The following SOX6 variants were observed in gnomAD, a reference collection of about 807,000 sequenced individuals.
SOX6 encodes SRY-box transcription factor 6, also known as transcription factor SOX-6.
Under a neutral mutation model 97.8 loss-of-function variants are expected in SOX6, and 11 were observed. The ratio of observed to expected loss-of-function variants is 0.11; its 90% CI spans 0.07 to 0.19. SOX6 has a LOEUF of 0.19. Ranked by LOEUF, SOX6 falls within the 10% of genes least tolerant of loss-of-function variation. The pLI, the probability that SOX6 is intolerant of heterozygous loss-of-function variation, is 1.00. For missense variants in SOX6, 810 were observed against 1,039.5 expected (o/e 0.78, Z 3.04); for synonymous variants, 360 against 371.4 (o/e 0.97, Z 0.35).
At chr11:16,575,308 T>C (rs941004863) in intron 4 of SOX6, among the ~76,000 whole-genome samples, 12 of 152,124 alleles carry the variant, frequency 7.9e-5, no homozygotes, top group Admixed American at 5.9e-4. Flanking sequence ...ACACTATAAA[T>C]AAACACTTTT....
At chr11:16,070,847 C>A (rs1848207140) in intron 9 of SOX6, among the ~76,000 whole-genome samples, 1 of 152,192 alleles carries the variant, frequency 6.6e-6, no homozygotes, top group Non-Finnish European at 1.5e-5. Context: ...CCCCCTATAT[C>A]CCTCCCATCA....
chr11:15,974,917 C>A (rs979386804), intron 15 of SOX6, among the ~76,000 whole-genome samples: 9 of 152,112 alleles, frequency 5.9e-5, no homozygotes, highest in South Asian at 2.1e-4. Context: ...GAAAATCAGA[C>A]CTTGCTTCAA....
chr11:16,307,371 T>C (rs1855473679), intron 3 of SOX6, among the ~76,000 whole-genome samples: 1 of 152,180 alleles, frequency 6.6e-6, no homozygotes, highest in South Asian at 2.1e-4. Flanking sequence ...TTAATCAGGG[T>C]CAAGGCTTAA....
At chr11:16,301,068 C>A (rs1225221317) in intron 3 of SOX6, among the ~76,000 whole-genome samples, 2 of 152,150 alleles carry the variant, frequency 1.3e-5, no homozygotes, top group African/African-American at 2.4e-5. Flanking sequence ...AGTCACTAAG[C>A]CACTAAGGCA....
intron 9 of SOX6, among the ~76,000 whole-genome samples, chr11:16,084,437 G>T (rs35789102): frequency 4.6e-5 from 7 of 151,890 alleles, no homozygotes; most frequent in Non-Finnish European, 8.8e-5. Context: ...GATACAAGCA[G>T]AAGAGTATGG....
chr11:16,137,166 T>C (rs570049814), intron 6 of SOX6, among the ~76,000 whole-genome samples: 26 of 152,322 alleles, frequency 1.7e-4, no homozygotes, highest in African/African-American at 6.0e-4. Flanking sequence ...CCGGGAGCAG[T>C]GGCTCATGCC....
chr11:16,389,814 G>C (rs1202590322), intron 1 of SOX6, among the ~76,000 whole-genome samples: 1 of 150,862 alleles, frequency 6.6e-6, no homozygotes, highest in East Asian at 2.0e-4. Flanking sequence ...TAAAAATACA[G>C]AAAAAATTAG....
intron 3 of SOX6, among the ~76,000 whole-genome samples, chr11:16,272,136 C>A (rs1345402527): frequency 6.6e-6 from 1 of 151,230 alleles, no homozygotes; most frequent in African/African-American, 2.4e-5. Context: ...TCTTAATTTC[C>A]AGGTATAAAG....
intron 1 of SOX6, among the ~76,000 whole-genome samples, chr11:16,423,407 G>C (rs970539870): frequency 2.0e-5 from 3 of 152,276 alleles, no homozygotes; most frequent in Admixed American, 2.0e-4. Context: ...AAATGCAAAT[G>C]ATGAGAAAAT....
At chr11:16,249,214 C>A (rs1302146375) in intron 3 of SOX6, among the ~76,000 whole-genome samples, 1 of 152,094 alleles carries the variant, frequency 6.6e-6, no homozygotes, top group Admixed American at 6.6e-5. Context: ...CATCGTTAGG[C>A]TGCAAATTTT....
At chr11:16,363,508 C>T (rs886736552) in intron 1 of SOX6, among the ~76,000 whole-genome samples, 12 of 152,128 alleles carry the variant, frequency 7.9e-5, no homozygotes, top group African/African-American at 2.9e-4. Flanking sequence ...TTATGAGATA[C>T]TCAACCTGTA....
intron 3 of SOX6, among the ~76,000 whole-genome samples, chr11:16,270,660 C>A (rs1484308507): frequency 6.6e-6 from 1 of 151,228 alleles, no homozygotes; most frequent in Non-Finnish European, 1.5e-5. Flanking sequence ...CACAAACACA[C>A]ACACACACAG....
chr11:16,349,442 C>CG (rs951226129), intron 1 of SOX6, among the ~76,000 whole-genome samples: 6 of 90 alleles, frequency 0.067, no homozygotes, highest in African/African-American at 0.14. Context: ...CAAGGTGAAA[C>CG]CTGTCTCTAC....
chr11:16,378,947 A>G (rs1857726573), intron 1 of SOX6, among the ~76,000 whole-genome samples: 1 of 152,094 alleles, frequency 6.6e-6, no homozygotes, highest in Non-Finnish European at 1.5e-5. Flanking sequence ...TATTTTTTAT[A>G]TATATTCATG....
intron 3 of SOX6, among the ~76,000 whole-genome samples, chr11:16,296,911 C>T (rs1855111456): frequency 1.3e-5 from 2 of 151,878 alleles, no homozygotes; most frequent in Non-Finnish European, 2.9e-5. Flanking sequence ...AAAGAAAAGG[C>T]AGAGTAAAAA....
At chr11:16,232,280 A>AT (rs1394420388) in intron 4 of SOX6, among the ~76,000 whole-genome samples, 2 of 151,872 alleles carry the variant, frequency 1.3e-5, no homozygotes, top group Admixed American at 1.3e-4. Flanking sequence ...ATTTTAACTG[A>AT]TTTTTTCATT....
chr11:16,523,145 C>A (rs1861098769), intron 4 of SOX6, among the ~76,000 whole-genome samples: 1 of 151,628 alleles, frequency 6.6e-6, no homozygotes, highest in Admixed American at 6.6e-5. Context: ...TAGACATCTA[C>A]AGGACTCTCC....
At chr11:16,635,906 G>C in intron 3 of SOX6, among the ~76,000 whole-genome samples, 1 of 152,222 alleles carries the variant, frequency 6.6e-6, no homozygotes, top group Non-Finnish European at 1.5e-5. Flanking sequence ...TGAGGTTTGG[G>C]AACCTCTGTC....
rs971542199 is a variant in SOX6 at position 15,969,390 on chromosome 11, T to G, written c.*3419A>C. 5 of 152,190 alleles carry G rather than the reference T, an allele frequency of 3.3e-5. No individual in the cohort carries two copies. The highest frequency in any genetic ancestry group is 2.4e-5 in the African/African-American group (1 of 41,446). The allele number at this position is 152,190 out of a possible 1,614,324, so 9.4% of individuals were successfully genotyped here. A position where few individuals can be genotyped will look rare whatever the true frequency, so the allele number is the denominator to read the frequency against. On this transcript the variant is annotated 3_prime_UTR_variant, in exon 16 of 16. Coordinates refer to ENST00000683767, the MANE Select transcript of SOX6 (RefSeq NM_001367873.1). ...ATTTATGTAGACTCCCAAAGCAAAC[T>G]GACTGTCTCCTAACTGTAGTGGAAA...
Sources: allele counts gnomAD v4.1 joint callset (sites outside exome capture counted in the v4.1 genomes callset), GRCh38; gene constraint gnomAD v4.1.1; transcripts MANE v1.5; gene names NCBI Gene and HGNC (gene_info 2026-07-23, HGNC 2026-07-21).